The following PGM3 variants were observed in gnomAD, a reference collection of about 807,000 sequenced individuals.
PGM3 encodes the protein phosphoacetylglucosamine mutase.
In PGM3, 40 loss-of-function variants were observed where a neutral mutation model predicts 66.2. That is an observed-to-expected ratio of 0.60 (90% CI 0.47 to 0.79). The LOEUF is 0.79. PGM3 is among the 30% of genes least tolerant of loss of function. The probability of loss-of-function intolerance (pLI) is 0.00; values close to 1 mark genes in which losing one functional copy is unlikely to be tolerated. For synonymous variants in PGM3, 191 were observed against 224.2 expected, an observed-to-expected ratio of 0.85 and a Z score of 1.32; for missense variants, 537 against 643.4, an observed-to-expected ratio of 0.83 and a Z score of 1.79.
Position 83,191,251 on chromosome 6 carries a change from TC to T in PGM3, c.-2-238del, listed in dbSNP as rs2128509412. On this transcript the variant is annotated intron_variant, in intron 1 of 12. Transcript: ENST00000513973. ...CAGACTCAGGGCAGATAGCAGATTGTCCCCACTCTCCTCCCATTTTAGCTCC... is the reference window on the plus strand; with the variant it reads ...CAGACTCAGGGCAGATAGCAGATTGTCCCACTCTCCTCCCATTTTAGCTCC... 2.0e-6 allele frequency: 3 copies of T among 1,534,864 alleles called. No homozygotes were observed. Among genetic ancestry groups the T allele is most frequent in the Non-Finnish European group, 2.6e-6 (3 of 1,146,332 alleles).
At chr6:83,163,544 ATATG>A (rs1221003117), downstream of PGM3, among the ~76,000 whole-genome samples, 1 of 152,224 alleles carries the variant, frequency 6.6e-6, no homozygotes, top group Non-Finnish European at 1.5e-5. Flanking sequence ...AATAAAATAT[ATATG>A]CTAAAATTCA....
intron 7 of PGM3, among the ~76,000 whole-genome samples, chr6:83,179,404 T>C (rs1788013320): frequency 1.3e-5 from 2 of 152,156 alleles, no homozygotes; most frequent in Non-Finnish European, 2.9e-5. Flanking sequence ...AAAGCTAGCC[T>C]GAGATTTATT....
chr6:83,174,639 G>T (rs1033206803), intron 9 of PGM3, 152 bp from the exon 10 acceptor site: 14 of 530,862 alleles, frequency 2.6e-5, no homozygotes, highest in Non-Finnish European at 4.6e-5. Flanking sequence ...TGAAATTAAT[G>T]TAAGATCACA....
chr6:83,156,949 AT>A (rs1473455078), downstream of PGM3, among the ~76,000 whole-genome samples: 2 of 152,140 alleles, frequency 1.3e-5, no homozygotes, highest in African/African-American at 4.8e-5. Context: ...TTAAACTTTT[AT>A]TTGCTATTTG....
At position 83,169,029 on chromosome 6, in the gene PGM3, A is replaced by G. The variant is rs771880383; in HGVS notation, c.*205T>C. 6.6e-5 allele frequency: 90 copies of G among 1,361,852 alleles called. 1 individual carries two copies. Among genetic ancestry groups the G allele is most frequent in the South Asian group, 4.4e-4 (24 of 54,992 alleles). 84.4% of individuals were successfully genotyped at this position (1,361,852 alleles called of 1,614,324 possible). A position where few individuals can be genotyped will look rare whatever the true frequency, so the allele number is the denominator to read the frequency against. ...ATTTTACATTAGTGAGACTGAAATTAGAGGTAAATTTCTTTAACAAGTGTA... is the reference window on the plus strand; with the variant it reads ...ATTTTACATTAGTGAGACTGAAATTGGAGGTAAATTTCTTTAACAAGTGTA... On this transcript the variant is annotated 3_prime_UTR_variant, in exon 13 of 13. Coordinates refer to ENST00000513973, the MANE Select transcript of PGM3 (RefSeq NM_015599.3).
chr6:83,172,094 A>C (rs1472506758), intron 10 of PGM3, 35 bp from the exon 11 acceptor site: 1 of 1,609,784 alleles, frequency 6.2e-7, no homozygotes, highest in East Asian at 2.2e-5. Context: ...GAAACCACTT[A>C]ACACAAGCAA....
intron 8 of PGM3, among the ~76,000 whole-genome samples, 186 bp downstream of exon 8, chr6:83,178,487 G>A (rs1043941854): frequency 6.6e-6 from 1 of 152,164 alleles, no homozygotes; most frequent in Non-Finnish European, 1.5e-5. Context: ...GAAAAGGAAG[G>A]AAAGAAGTTT....
At chr6:83,163,331 T>C (rs1319116976), downstream of PGM3, among the ~76,000 whole-genome samples, 1 of 152,072 alleles carries the variant, frequency 6.6e-6, no homozygotes, top group African/African-American at 2.4e-5. Flanking sequence ...CAAACAAAAG[T>C]ATGAGTTGAT....
chr6:83,158,030 G>A (rs894490144), downstream of PGM3, among the ~76,000 whole-genome samples: 2 of 150,640 alleles, frequency 1.3e-5, no homozygotes, highest in African/African-American at 2.4e-5. Context: ...ATGGAGTCTC[G>A]CTCTGTCACC....
In PGM3 at chr6:83,181,895, C is replaced by A; in HGVS notation, c.628G>T (p.Val210Phe). 2.5e-6 allele frequency: 4 copies of A among 1,613,064 alleles called. No individual in the cohort carries two copies. The highest frequency in any genetic ancestry group is 3.4e-6 in the Non-Finnish European group (4 of 1,179,682). The part of the protein sequence containing the change: ...CSGDEYRSLK[V>F]DCANGIGALK... ...GCCCCTATGCCATTTGCACAGTCAA[C>A]CTTAAGTGATCTGTATTCATCTCCA... Residue 210 changes from valine to phenylalanine, a missense_variant, in exon 6 of 13, where the codon GTT becomes TTT. Val to Phe is a conservative substitution (Grantham distance 50, BLOSUM62 -1). Coordinates refer to ENST00000513973, the MANE Select transcript of PGM3 (RefSeq NM_015599.3).
At chr6:83,162,215 T>G (rs567680735), downstream of PGM3, among the ~76,000 whole-genome samples, 3 of 151,908 alleles carry the variant, frequency 2.0e-5, no homozygotes, top group African/African-American at 7.2e-5. Flanking sequence ...GTATGCCCAT[T>G]TATACTGTTT....
the PGM3 span, among the ~76,000 whole-genome samples, chr6:83,151,156 A>G: frequency 6.6e-5 from 10 of 152,168 alleles, no homozygotes; most frequent in Admixed American, 5.9e-4. Context: ...ACATTCTGCA[A>G]TTTGTTTTTT....
intron 5 of PGM3, among the ~76,000 whole-genome samples, chr6:83,182,558 A>G (rs982152627): frequency 6.6e-6 from 1 of 152,224 alleles, no homozygotes; most frequent in African/African-American, 2.4e-5. Context: ...AACTAAGATC[A>G]AATTCATCTG....
chr6:83,184,143 AAAAG>A (rs1445246214), intron 4 of PGM3, among the ~76,000 whole-genome samples: 3 of 152,222 alleles, frequency 2.0e-5, no homozygotes, highest in East Asian at 1.9e-4. Flanking sequence ...TTCAAAAACA[AAAAG>A]AAAGAAAACC....
chr6:83,192,190 C>T lies in PGM3; in HGVS notation c.-3+989G>A, dbSNP rs534931685. 2.1e-5 allele frequency among the ~76,000 whole-genome samples: 3 copies of T among 141,710 alleles called. No individual in the cohort carries two copies. The South Asian group carries it at 7.2e-4, about 34-fold the overall frequency. The allele number at this position is 141,710 out of a possible 152,430, so 93.0% of individuals were successfully genotyped here. On this transcript the variant is annotated intron_variant, in intron 1 of 12. Coordinates refer to ENST00000513973, the MANE Select transcript of PGM3 (RefSeq NM_015599.3). ...CTGACGCAGGAGAATCGCTTGAACC[C>T]GCGGGTGGAGGTCGCAGTGAGCCGA...
At position 83,169,273 on chromosome 6, in the gene PGM3, C is replaced by T. The variant is rs1440528392; in HGVS notation, c.1590G>A (p.Leu530=). The change falls in exon 13 of 13, where the codon CTG becomes CTA. Residue 530 remains leucine (L), a synonymous_variant. Coordinates refer to ENST00000513973, the MANE Select transcript of PGM3 (RefSeq NM_015599.3). ...GGGGCCTTTCTCCAATTCCTCCAGCCAGCTGAAATACTGCCAAGCTCACTT... is the reference window on the plus strand; with the variant it reads ...GGGGCCTTTCTCCAATTCCTCCAGCTAGCTGAAATACTGCCAAGCTCACTT... The part of the protein sequence containing the change: ...AHEVSLAVFQ[L]AGGIGERPQP... The T allele has an allele frequency of 6.2e-7, 1 of 1,613,906 alleles. No homozygotes were observed. Among genetic ancestry groups the T allele is most frequent in the African/African-American group, 1.3e-5 (1 of 74,908 alleles).
chr6:83,172,529 G>A (rs1756175563), intron 10 of PGM3, among the ~76,000 whole-genome samples: 1 of 152,034 alleles, frequency 6.6e-6, no homozygotes, highest in Non-Finnish European at 1.5e-5. Flanking sequence ...TGTGGTAGTG[G>A]GCGCCTGTAA....
In PGM3 at chr6:83,166,142, AATTTTTTTAT is replaced by A. The variant is rs1210679219; in HGVS notation, c.*3082_*3091del. 1.2e-4 allele frequency: 57 copies of A among 464,460 alleles called. No individual in the cohort carries two copies. Among genetic ancestry groups the A allele is most frequent in the Non-Finnish European group, 2.1e-4 (56 of 264,476 alleles). The allele number at this position is 464,460 out of a possible 1,614,324, so 28.8% of individuals were successfully genotyped here. On this transcript the variant is annotated 3_prime_UTR_variant, in exon 13 of 13. Coordinates refer to ENST00000513973, the MANE Select transcript of PGM3 (RefSeq NM_015599.3). ...GAGAAAATGACACTTCAAAACAACG[AATTTTTTTAT>A]TTTTCACTCAGCTCATGAGGCACCC...
intron 6 of PGM3, among the ~76,000 whole-genome samples, chr6:83,180,934 T>A (rs1027499999): frequency 4.6e-5 from 7 of 152,236 alleles, no homozygotes; most frequent in African/African-American, 1.4e-4. Context: ...AGTGGACTAA[T>A]GCCATGTGTG....
Sources: gnomAD v4.1 joint callset for allele counts (sites outside exome capture counted in the v4.1 genomes callset) on GRCh38, gnomAD v4.1.1 for gene constraint, MANE v1.5 for transcripts, NCBI Gene and HGNC (gene_info 2026-07-23, HGNC 2026-07-21) for gene names.